NAA11: variants seen among roughly 807,000 people sequenced by gnomAD.
NAA11 encodes N-alpha-acetyltransferase 11, NatA catalytic subunit.
In NAA11, 15 loss-of-function variants were observed where a neutral mutation model predicts 16.1. That is an observed-to-expected ratio of 0.93 (90% confidence interval 0.62 to 1.44). The LOEUF (loss-of-function observed/expected upper bound fraction) is 1.44. Ranked by LOEUF, NAA11 falls within the 40% of genes most tolerant of loss-of-function variation. The pLI, the probability that NAA11 is intolerant of heterozygous loss-of-function variation, is 0.00. For missense variants in NAA11, 298 were observed against 291.3 expected, an observed-to-expected ratio of 1.02 and a Z score of -0.17; for synonymous variants, 122 against 112.4, an observed-to-expected ratio of 1.09 and a Z score of -0.54.
chr4:79,260,862 T>G (rs17003690), intron 2 of NAA11, among the ~76,000 whole-genome samples: 17,393 of 152,234 alleles, frequency 0.11, 1,282 homozygotes, highest in African/African-American at 0.2. Flanking sequence ...CATTGTTTTA[T>G]AAAGCTCCTT....
chr4:79,232,575 A>C (rs1721491366), intron 2 of NAA11, among the ~76,000 whole-genome samples: 1 of 151,996 alleles, frequency 6.6e-6, no homozygotes, highest in South Asian at 2.1e-4. Flanking sequence ...TTGGTCTCTC[A>C]ATCAAGTTCT....
At chr4:79,196,979 A>AAAAAAAAAAAAAAAAAAAAAAAAAAG in the NAA11 span, among the ~76,000 whole-genome samples, 24 of 125,544 alleles carry the variant, frequency 1.9e-4, no homozygotes, top group Admixed American at 3.5e-4. Flanking sequence ...AAAAAAAAAA[A>AAAAAAAAAAAAAAAAAAAAAAAAAAG]AAAGAAAGAA....
chr4:79,225,160 A>T (rs1721282098), downstream of NAA11, among the ~76,000 whole-genome samples: 1 of 152,094 alleles, frequency 6.6e-6, no homozygotes, highest in Admixed American at 6.6e-5. Flanking sequence ...CTAATGTAAG[A>T]TATTAAAAAT....
chr4:79,186,004 TTG>T, the NAA11 span, among the ~76,000 whole-genome samples: 1 of 152,176 alleles, frequency 6.6e-6, no homozygotes, highest in Non-Finnish European at 1.5e-5. Context: ...AAACAGTGTT[TTG>T]TGTGTGAGTG....
At chr4:79,182,733 T>TG in the NAA11 span, among the ~76,000 whole-genome samples, 41 of 152,172 alleles carry the variant, frequency 2.7e-4, no homozygotes, top group Non-Finnish European at 4.9e-4. Flanking sequence ...TTCTCAACAA[T>TG]GGGGGGGACC....
intron 2 of NAA11, among the ~76,000 whole-genome samples, chr4:79,230,118 A>G (rs1459955890): frequency 6.6e-6 from 1 of 151,890 alleles, no homozygotes; most frequent in African/African-American, 2.4e-5. Flanking sequence ...CATTTTCTTA[A>G]TCCAGTCTAT....
At chr4:79,229,901 T>C (rs921765846) in intron 2 of NAA11, among the ~76,000 whole-genome samples, 5 of 152,004 alleles carry the variant, frequency 3.3e-5, no homozygotes, top group African/African-American at 1.2e-4. Context: ...CAATGGAAAG[T>C]CTAACTGTGA....
At chr4:79,256,252 T>C (rs1722104666) in intron 2 of NAA11, among the ~76,000 whole-genome samples, 2 of 152,242 alleles carry the variant, frequency 1.3e-5, no homozygotes, top group Admixed American at 1.3e-4. Flanking sequence ...GTTTTAGTTA[T>C]ACTTTCTTAT....
intron 2 of NAA11, among the ~76,000 whole-genome samples, chr4:79,241,458 T>G (rs1721694870): frequency 6.6e-6 from 1 of 152,208 alleles, no homozygotes; most frequent in Non-Finnish European, 1.5e-5. Context: ...CTAACCTCTT[T>G]GTTGTTCAAA....
downstream of NAA11, among the ~76,000 whole-genome samples, chr4:79,313,336 A>T (rs1448548435): frequency 6.6e-6 from 1 of 152,212 alleles, no homozygotes; most frequent in Non-Finnish European, 1.5e-5. Context: ...AAATGAGAAA[A>T]CTGATGTGCT....
At chr4:79,279,226 G>C (rs572487587) in intron 2 of NAA11, among the ~76,000 whole-genome samples, 3 of 152,032 alleles carry the variant, frequency 2.0e-5, no homozygotes, top group Non-Finnish European at 4.4e-5. Flanking sequence ...CTATGTGCCA[G>C]GCAATATACT....
chr4:79,177,840 T>C, the NAA11 span, among the ~76,000 whole-genome samples: 1 of 152,126 alleles, frequency 6.6e-6, no homozygotes, highest in African/African-American at 2.4e-5. Flanking sequence ...TTATTTGTCT[T>C]ATTATGCATG....
intron 2 of NAA11, among the ~76,000 whole-genome samples, chr4:79,239,075 A>G (rs1026864559): frequency 1.3e-5 from 2 of 152,216 alleles, no homozygotes; most frequent in African/African-American, 4.8e-5. Context: ...TGAGAGAGTG[A>G]TAAATATTAA....
chr4:79,221,745 A>C (rs199678221), downstream of NAA11, among the ~76,000 whole-genome samples: 127,879 of 128,980 alleles, frequency 0.99, 63,406 homozygotes, highest in Middle Eastern at 1. Flanking sequence ...ATAGTGGATA[A>C]GCTTTTTGAT....
chr4:79,268,834 A>C (rs1357222191), intron 2 of NAA11, among the ~76,000 whole-genome samples: 1 of 141,670 alleles, frequency 7.1e-6, no homozygotes, highest in Non-Finnish European at 1.5e-5. Context: ...TATATCTCCC[A>C]ATGCTATCCC....
chr4:79,198,329 T>C, the NAA11 span, among the ~76,000 whole-genome samples: 2 of 151,964 alleles, frequency 1.3e-5, no homozygotes, highest in Admixed American at 6.6e-5. Flanking sequence ...TTTTCTGAGA[T>C]GATTTTTAAT....
chr4:79,164,753 G>A, the NAA11 span, among the ~76,000 whole-genome samples: 3 of 152,142 alleles, frequency 2.0e-5, no homozygotes, highest in Non-Finnish European at 2.9e-5. Context: ...AAGGAACACA[G>A]AGTTAACAAA....
downstream of NAA11, among the ~76,000 whole-genome samples, chr4:79,224,564 G>A (rs1721270150): frequency 6.6e-6 from 1 of 152,118 alleles, no homozygotes; most frequent in Non-Finnish European, 1.5e-5. Flanking sequence ...GGGGCCTTCT[G>A]AGAAGTATTT....
At chr4:79,301,130 G>C (rs1461082147) in intron 1 of NAA11, among the ~76,000 whole-genome samples, 1 of 152,202 alleles carries the variant, frequency 6.6e-6, no homozygotes, top group East Asian at 1.9e-4. Context: ...CAAGTCAAAA[G>C]TGTGTTCTTA....
Sources: gnomAD v4.1 joint callset for allele counts (sites outside exome capture counted in the v4.1 genomes callset) on GRCh38, gnomAD v4.1.1 for gene constraint, MANE v1.5 for transcripts, NCBI Gene and HGNC (gene_info 2026-07-23, HGNC 2026-07-21) for gene names.